Variants in NMNAT2 observed in about 807,000 individuals in gnomAD.
NMNAT2 encodes nicotinamide/nicotinic acid mononucleotide adenylyltransferase 2.
A neutral mutation model predicts 41.6 loss-of-function variants in NMNAT2; 11 were observed. The ratio of observed to expected loss-of-function variants is 0.26; its 90% CI spans 0.17 to 0.44. The LOEUF is 0.44. Among genes scored for constraint, NMNAT2 ranks in the 20% least tolerant of loss-of-function variants. NMNAT2 has a pLI of 1.00. For synonymous variants in NMNAT2, 148 were observed against 151.2 expected (o/e 0.98, Z 0.16); for missense variants, 288 against 407.7 (o/e 0.71, Z 2.53).
chr1:183,301,842 GAGTT>G (rs1407581255), intron 1 of NMNAT2, among the ~76,000 whole-genome samples: 1 of 152,192 alleles, frequency 6.6e-6, no homozygotes, highest in African/African-American at 2.4e-5. Context: ...TCCTTCTAGG[GAGTT>G]AATGGAAGAG....
chr1:183,265,514 C>T (rs1660790695), intron 8 of NMNAT2, among the ~76,000 whole-genome samples: 2 of 152,094 alleles, frequency 1.3e-5, no homozygotes, highest in African/African-American at 4.8e-5. Context: ...ATCCACCTCC[C>T]TCGGCCTCCC....
intron 1 of NMNAT2, among the ~76,000 whole-genome samples, chr1:183,359,754 T>C (rs1663266960): frequency 6.6e-6 from 1 of 152,154 alleles, no homozygotes. Flanking sequence ...CACGTGTGGC[T>C]CAGAGTCCAG....
chr1:183,275,449 C>G (rs185881190), intron 8 of NMNAT2, among the ~76,000 whole-genome samples: 7 of 151,964 alleles, frequency 4.6e-5, no homozygotes, highest in Non-Finnish European at 8.8e-5. Flanking sequence ...CTGCTCCAGG[C>G]TCTAGAAAGC....
intron 1 of NMNAT2, among the ~76,000 whole-genome samples, chr1:183,359,108 G>A (rs1241816522): frequency 6.6e-6 from 1 of 151,782 alleles, no homozygotes; most frequent in Non-Finnish European, 1.5e-5. Context: ...ATCTAACTAT[G>A]GAACACATGA....
chr1:183,337,071 C>T (rs951221639), intron 1 of NMNAT2, among the ~76,000 whole-genome samples: 2 of 152,116 alleles, frequency 1.3e-5, no homozygotes, highest in Non-Finnish European at 2.9e-5. Context: ...CAGGGGAAAT[C>T]TTTCTGGGGT....
chr1:183,358,396 G>A (rs1211353213), intron 1 of NMNAT2, among the ~76,000 whole-genome samples: 1 of 152,096 alleles, frequency 6.6e-6, no homozygotes, highest in Non-Finnish European at 1.5e-5. Context: ...ACCTGCACAT[G>A]TACCCCTGAA....
At chr1:183,327,321 G>A (rs528153042) in intron 1 of NMNAT2, among the ~76,000 whole-genome samples, 1 of 152,248 alleles carries the variant, frequency 6.6e-6, no homozygotes, top group East Asian at 1.9e-4. Flanking sequence ...CTTCCAAAGT[G>A]CTGGGATTAC....
At chr1:183,308,663 A>G (rs1418985830) in intron 1 of NMNAT2, among the ~76,000 whole-genome samples, 1 of 152,226 alleles carries the variant, frequency 6.6e-6, no homozygotes, top group African/African-American at 2.4e-5. Flanking sequence ...TCCAAGACAC[A>G]TCAGTAGGTG....
chr1:183,323,494 T>C (rs1199815127), intron 1 of NMNAT2, among the ~76,000 whole-genome samples: 4 of 152,216 alleles, frequency 2.6e-5, no homozygotes, highest in African/African-American at 9.6e-5. Context: ...ACAGAATGGA[T>C]TGGAAAGTGA....
chr1:183,304,601 C>A, intron 1 of NMNAT2: 1 of 1,424,420 alleles, frequency 7.0e-7, no homozygotes, highest in South Asian at 1.2e-5. Flanking sequence ...ATCCTGTTTT[C>A]TTGACCATCT....
At chr1:183,301,700 T>C (rs1223323285) in intron 1 of NMNAT2, among the ~76,000 whole-genome samples, 1 of 152,244 alleles carries the variant, frequency 6.6e-6, no homozygotes, top group Admixed American at 6.5e-5. Flanking sequence ...CCTTATAGCC[T>C]GTGCTGGATG....
chr1:183,398,618 GCAC>G (rs961212890), intron 1 of NMNAT2, among the ~76,000 whole-genome samples: 4 of 152,170 alleles, frequency 2.6e-5, no homozygotes, highest in African/African-American at 9.7e-5. Context: ...ATTCTTCTTA[GCAC>G]CACATCACAC....
At chr1:183,323,249 A>G (rs1354651316) in intron 1 of NMNAT2, among the ~76,000 whole-genome samples, 2 of 152,128 alleles carry the variant, frequency 1.3e-5, no homozygotes, top group African/African-American at 2.4e-5. Context: ...TAGATTCTTC[A>G]TATTCATCCC....
chr1:183,315,022 G>A (rs764652407), intron 1 of NMNAT2, among the ~76,000 whole-genome samples: 3 of 152,176 alleles, frequency 2.0e-5, no homozygotes, highest in African/African-American at 7.2e-5. Context: ...CTAGTTTTGC[G>A]AAAGTACGTT....
chr1:183,292,869 C>T lies in NMNAT2; in HGVS notation c.175-12G>A. On this transcript the variant is annotated splice_polypyrimidine_tract_variant and intron_variant, in intron 2 of 10. Coordinates refer to ENST00000287713, the MANE Select transcript of NMNAT2 (RefSeq NM_015039.4). ...CTTGACACGAGGCCCTGGGAAGCAA[C>T]AGAGCAATCATTGGGAGACTCCCTC... The T allele has an allele frequency of 1.2e-6, 2 of 1,613,776 alleles. No individual in the cohort carries two copies.
At chr1:183,267,676 T>A (rs1660852887) in intron 8 of NMNAT2, among the ~76,000 whole-genome samples, 1 of 152,162 alleles carries the variant, frequency 6.6e-6, no homozygotes, top group South Asian at 2.1e-4. Flanking sequence ...CCCCTTCCTA[T>A]GCCGCCTGCA....
At chr1:183,378,885 A>G (rs918114118) in intron 1 of NMNAT2, among the ~76,000 whole-genome samples, 8 of 152,002 alleles carry the variant, frequency 5.3e-5, no homozygotes, top group African/African-American at 9.7e-5. Flanking sequence ...TCTACTAAAT[A>G]TACAAAAATT....
intron 1 of NMNAT2, among the ~76,000 whole-genome samples, chr1:183,325,485 T>C (rs1662442662): frequency 6.6e-6 from 1 of 152,242 alleles, no homozygotes; most frequent in African/African-American, 2.4e-5. Flanking sequence ...ACTATCTTTA[T>C]GGTTTTCTTT....
At chr1:183,260,348 A>C (rs1275319863) in intron 10 of NMNAT2, among the ~76,000 whole-genome samples, 1 of 152,226 alleles carries the variant, frequency 6.6e-6, no homozygotes, top group Non-Finnish European at 1.5e-5. Flanking sequence ...AGGGAACTAA[A>C]CATCTAACAT....
Sources: allele counts gnomAD v4.1 joint callset (sites outside exome capture counted in the v4.1 genomes callset), GRCh38; gene constraint gnomAD v4.1.1; transcripts MANE v1.5; gene names NCBI Gene and HGNC (gene_info 2026-07-23, HGNC 2026-07-21).